ATAD3A: variants seen among roughly 807,000 people sequenced by gnomAD.
ATAD3A encodes the protein ATPase family AAA domain-containing protein 3A.
In ATAD3A, 46 loss-of-function variants were observed where a neutral mutation model predicts 73.8. The observed-to-expected ratio is 0.62, with a 90% CI of 0.49 to 0.80. The LOEUF is 0.80. Among genes scored for constraint, ATAD3A ranks in the 30% least tolerant of loss-of-function variants. ATAD3A has a pLI of 0.00. For missense variants in ATAD3A, 705 were observed against 838.0 expected (o/e 0.84, Z 1.96); for synonymous variants, 319 against 350.0 (o/e 0.91, Z 0.99).
chr1:1,528,537 G>A lies in ATAD3A; in HGVS notation c.1505+675G>A, dbSNP rs192943637. 3.5e-3 allele frequency among the ~76,000 whole-genome samples: 534 copies of A among 152,050 alleles called. 4 individuals are homozygous for A. The highest frequency in any genetic ancestry group is 0.012 in the African/African-American group (512 of 41,302). On this transcript the variant is annotated intron_variant, in intron 14 of 15. Transcript: ENST00000378756. ...GGGGCACGGCTCTTGCTGCTCACGT[G>A]CCTTGAGGCTGTCAGGCTCCCTGTT...
At chr1:1,529,366 A>G (rs771211328) in intron 15 of ATAD3A, 35 bp downstream of exon 15, 36 of 1,527,262 alleles carry the variant, frequency 2.4e-5, no homozygotes, top group South Asian at 6.2e-5. Context: ...CCCAGACGGG[A>G]CCCCAGCTGC....
rs113128965 is a variant in ATAD3A, at chr1:1,523,727, G to C, written c.964-112G>C. ...TGGGGATAGATAGGCTGCCCCTGAG[G>C]TGGGAGGCTTCCCGAGGAGCCGAGT... On this transcript the variant is annotated intron_variant, in intron 9 of 15. Coordinates refer to ENST00000378756, the MANE Select transcript of ATAD3A (RefSeq NM_001170535.3). This position sits in a 1 kb window ranked among gnomAD's most constrained non-coding sequence, Gnocchi z 5.1. 6,869 of 1,590,128 alleles carry C rather than the reference G, an allele frequency of 4.3e-3. 253 individuals carry two copies. The African/African-American group carries it at 0.08, about 19-fold the overall frequency.
intron 1 of ATAD3A, among the ~76,000 whole-genome samples, chr1:1,514,852 C>T (rs993518632): frequency 1.3e-4 from 20 of 151,916 alleles, no homozygotes; most frequent in African/African-American, 4.9e-4. Context: ...CTTTACGTGT[C>T]TTTCTGTGTT....
At position 1,525,258 on chromosome 1, in the gene ATAD3A, T is replaced by G; in HGVS notation, c.1233T>G (p.Asp411Glu). The G allele has an allele frequency of 6.2e-7, 1 of 1,613,928 alleles. No individual in the cohort carries two copies. Among genetic ancestry groups the G allele is most frequent in the Non-Finnish European group, 8.5e-7 (1 of 1,179,978 alleles). ...TTCACAGCCTCCTGCTCTTTGTGGA[T>G]GAAGCGGACGCCTTCCTTCGGAAGC... ...TSRRGLLLFV[D>E]EADAFLRKRA... The change falls in exon 12 of 16, where the codon GAT (aspartate) becomes GAG (glutamate). Residue 411 changes from aspartate to glutamate, a missense_variant. Transcript: ENST00000378756.
intron 4 of ATAD3A, 139 bp downstream of exon 4, chr1:1,517,914 CG>C (rs1321758817): frequency 8.9e-7 from 1 of 1,126,784 alleles, no homozygotes; most frequent in Non-Finnish European, 1.3e-6. Context: ...GGAAACTACT[CG>C]GACAGACACG....
chr1:1,515,621 A>G (rs1641330083), intron 1 of ATAD3A, among the ~76,000 whole-genome samples: 1 of 152,174 alleles, frequency 6.6e-6, no homozygotes, highest in Non-Finnish European at 1.5e-5. Context: ...TCTTGCCTGC[A>G]TGTGCTTGAT....
At position 1,527,202 on chromosome 1, in the gene ATAD3A, G is replaced by A. The variant is rs749577948; in HGVS notation, c.1338-493G>A. On this transcript the variant is annotated intron_variant, in intron 13 of 15. Transcript: ENST00000378756. ...CACGGAGGATCAAGTCCTGCTGGTC[G>A]GCCGTGGCTGACTCCTCAGGCACGT... The A allele has an allele frequency of 4.1e-5, 53 of 1,302,606 alleles. 1 individual carries two copies. The East Asian group carries it at 2.0e-3, about 49-fold the overall frequency. 80.7% of individuals were successfully genotyped at this position (1,302,606 alleles called of 1,614,324 possible).
chr1:1,516,118 C>G, intron 2 of ATAD3A, 30 bp downstream of exon 2: 2 of 1,612,178 alleles, frequency 1.2e-6, no homozygotes, highest in Non-Finnish European at 1.7e-6. Flanking sequence ...GTGGGGAGGC[C>G]GGGGCGCACA....
At chr1:1,530,099 T>G (rs1641985646) in intron 15 of ATAD3A, among the ~76,000 whole-genome samples, 1 of 152,190 alleles carries the variant, frequency 6.6e-6, no homozygotes, top group Non-Finnish European at 1.5e-5. Flanking sequence ...GAGCCGGGGT[T>G]CACAGGGGGC....
chr1:1,515,749 G>A (rs1261204046), intron 1 of ATAD3A, among the ~76,000 whole-genome samples: 1 of 152,194 alleles, frequency 6.6e-6, no homozygotes, highest in Admixed American at 6.5e-5. Context: ...GCCTCCTCCC[G>A]TCCACGTGGG....
Position 1,525,291 on chromosome 1 carries a change from CGTGA to C in ATAD3A, c.1266+4_1266+7del. 6.2e-7 allele frequency: 1 copy of C among 1,613,412 alleles called. No individual in the cohort carries two copies. Among genetic ancestry groups the C allele is most frequent in the Non-Finnish European group, 8.5e-7 (1 of 1,179,768 alleles). ...ACGCCTTCCTTCGGAAGCGAGCCAC[CGTGA>C]GTGTCACTAAGCCTCTGGCCACAAT... On this transcript the variant is annotated splice_donor_variant and splice_donor_region_variant and intron_variant, in intron 12 of 15. Coordinates refer to ENST00000378756, the MANE Select transcript of ATAD3A (RefSeq NM_001170535.3). LOFTEE classifies it high-confidence loss of function.
chr1:1,525,430 T>TC, intron 12 of ATAD3A, 139 bp downstream of exon 12: 2 of 1,180,542 alleles, frequency 1.7e-6, no homozygotes, highest in South Asian at 2.9e-5. Context: ...TTTTTTTTTT[T>TC]TTGAGAAGAA....
In ATAD3A at chr1:1,529,251, G is replaced by A. The variant is rs1422349676; in HGVS notation, c.1534G>A (p.Gly512Arg). Residue 512 changes from glycine to arginine, a missense_variant, in exon 15 of 16, where the codon GGG (glycine) becomes AGG (arginine). Gly to Arg is a moderately radical substitution (Grantham distance 125). Coordinates refer to ENST00000378756, the MANE Select transcript of ATAD3A (RefSeq NM_001170535.3). ...CCTGAAGCTGGCCCAGTTTGACTACGGGAGGAAGTGCTCGGAGGTCGCTCG... is the reference window on the plus strand; with the variant it reads ...CCTGAAGCTGGCCCAGTTTGACTACAGGAGGAAGTGCTCGGAGGTCGCTCG... ...QRLKLAQFDY[G>R]RKCSEVARLT... 1.1e-5 allele frequency: 17 copies of A among 1,609,134 alleles called. No homozygotes were observed. Among genetic ancestry groups the A allele is most frequent in the East Asian group, 4.5e-5 (2 of 44,676 alleles).
rs1393451674 is a variant in ATAD3A at position 1,520,989 on chromosome 1, AG to A, written c.750+373del. Among the ~76,000 whole-genome samples, 2 of 151,944 alleles carry A rather than the reference AG, an allele frequency of 1.3e-5. No homozygotes were observed. The highest frequency in any genetic ancestry group is 4.8e-5 in the African/African-American group (2 of 41,338). On this transcript the variant is annotated intron_variant, in intron 7 of 15. Transcript: ENST00000378756. This position sits in a 1 kb window ranked among gnomAD's most constrained non-coding sequence, Gnocchi z 4.0. ...CACTGCACTCCATCCTGGGCGACAA[AG>A]TCCTTGTCTCAAGAAAAAAATTGTC...
rs1236312132 is a variant in ATAD3A, at chr1:1,529,236, G to T, written c.1519G>T (p.Ala507Ser). The change falls in exon 15 of 16, where the codon GCC becomes TCC. Residue 507 changes from alanine to serine, a missense_variant. Ala to Ser is a moderately conservative substitution (Grantham distance 99, BLOSUM62 1). Transcript: ENST00000378756. ...ATEGKQRLKL[A>S]QFDYGRKCSE... ...CTCCTTCCCCAGGCGCCTGAAGCTG[G>T]CCCAGTTTGACTACGGGAGGAAGTG... is the stretch of plus-strand genomic sequence containing the variant. 2.5e-6 allele frequency: 4 copies of T among 1,608,822 alleles called. No individual in the cohort carries two copies. The highest frequency in any genetic ancestry group is 2.2e-5 in the South Asian group (2 of 89,948).
chr1:1,523,818 A>G lies in ATAD3A; in HGVS notation c.964-21A>G, dbSNP rs1641696764. 2 of 1,613,656 alleles carry G rather than the reference A, an allele frequency of 1.2e-6. No individual in the cohort carries two copies. The highest frequency in any genetic ancestry group is 4.5e-5 in the East Asian group (2 of 44,868). On this transcript the variant is annotated intron_variant, in intron 9 of 15. Coordinates refer to ENST00000378756, the MANE Select transcript of ATAD3A (RefSeq NM_001170535.3). The surrounding 1 kb of genome is among the most constrained non-coding windows in gnomAD (Gnocchi z 5.1). ...CCATGGGTGCACAGTGTCTCCTCCA[A>G]ACCCCCGTCTTCCCCGGCAGCCCAG...
chr1:1,518,803 A>C (rs1641480788), intron 4 of ATAD3A, 118 bp from the exon 5 acceptor site: 4 of 1,573,872 alleles, frequency 2.5e-6, no homozygotes, highest in Non-Finnish European at 1.7e-6. Flanking sequence ...GGGCACCGTC[A>C]CACCCCGCAA....
At chr1:1,518,002 GACACACACTCCTCGC>G (rs920563127) in intron 4 of ATAD3A, among the ~76,000 whole-genome samples, 3 of 151,790 alleles carry the variant, frequency 2.0e-5, no homozygotes, top group African/African-American at 4.9e-5. Flanking sequence ...TACCCACACG[GACACACACTCCTCGC>G]ACACACACTC....
intron 1 of ATAD3A, among the ~76,000 whole-genome samples, chr1:1,514,925 G>A (rs186799177): frequency 6.6e-6 from 1 of 152,306 alleles, no homozygotes; most frequent in Admixed American, 6.5e-5. Flanking sequence ...CCAGGCTGGA[G>A]TGCAGTGGTG....
Sources: allele counts gnomAD v4.1 joint callset (sites outside exome capture counted in the v4.1 genomes callset), GRCh38; gene constraint gnomAD v4.1.1; non-coding constraint Gnocchi (gnomAD v3.1); transcripts MANE v1.5; gene names NCBI Gene and HGNC (gene_info 2026-07-23, HGNC 2026-07-21).